NCOA3: variants seen among roughly 807,000 people sequenced by gnomAD.
The protein encoded by NCOA3 is nuclear receptor coactivator 3, also known as CBP-interacting protein.
Under a neutral mutation model 158.8 loss-of-function variants are expected in NCOA3, and 51 were observed. That is an observed-to-expected ratio of 0.32 (90% CI 0.26 to 0.41). The LOEUF is 0.41. NCOA3 is among the 10% of genes least tolerant of loss of function. The pLI is 1.00. For missense variants in NCOA3, 1,510 were observed against 1,746.6 expected (o/e 0.86, Z 2.41); for synonymous variants, 537 against 592.4 (o/e 0.91, Z 1.36).
Position 47,526,579 on chromosome 20 carries a change from C to T in NCOA3, c.-99+24560C>T, listed in dbSNP as rs75526726. Among the ~76,000 whole-genome samples the T allele has an allele frequency of 5.3e-5, 8 of 152,222 alleles. No homozygotes were observed. The East Asian group carries it at 5.8e-4, about 11-fold the overall frequency. On this transcript the variant is annotated intron_variant, in intron 1 of 22. Coordinates refer to ENST00000371998, the MANE Select transcript of NCOA3 (RefSeq NM_181659.3). ...CTGGAGACTAGCCCGGCCAACACAG[C>T]GAAACCCCGTCTCCACCAAAAAAAT...
At chr20:47,574,509 G>T (rs1482475535) in intron 1 of NCOA3, among the ~76,000 whole-genome samples, 1 of 150,124 alleles carries the variant, frequency 6.7e-6, no homozygotes, top group African/African-American at 2.5e-5. Context: ...TTTTAGCACA[G>T]AGGCATAGTA....
chr20:47,600,044 T>C (rs918644212), intron 2 of NCOA3, among the ~76,000 whole-genome samples: 1 of 152,012 alleles, frequency 6.6e-6, no homozygotes, highest in African/African-American at 2.4e-5. Context: ...AAGTGCAGTA[T>C]ATACAAGTAG....
intron 1 of NCOA3, among the ~76,000 whole-genome samples, chr20:47,550,375 C>T (rs1164588948): frequency 7.0e-6 from 1 of 142,716 alleles, no homozygotes; most frequent in Non-Finnish European, 1.5e-5. Context: ...ATCCGGGAGG[C>T]AGAGGTTGCT....
At chr20:47,595,671 G>A (rs1295790094) in intron 2 of NCOA3, among the ~76,000 whole-genome samples, 1 of 151,794 alleles carries the variant, frequency 6.6e-6, no homozygotes, top group East Asian at 1.9e-4. Context: ...CATGACATAA[G>A]GCTTTTTTTT....
intron 2 of NCOA3, among the ~76,000 whole-genome samples, chr20:47,589,978 T>C (rs906989814): frequency 7.1e-6 from 1 of 140,854 alleles, no homozygotes; most frequent in Non-Finnish European, 1.6e-5. Context: ...ATTTAAAATG[T>C]TTTGTGGAAG....
At chr20:47,573,999 C>T (rs2085336025) in intron 1 of NCOA3, among the ~76,000 whole-genome samples, 1 of 142,442 alleles carries the variant, frequency 7.0e-6, no homozygotes, top group Non-Finnish European at 1.6e-5. Flanking sequence ...AACTTGAGAT[C>T]TAACACCATT....
chr20:47,642,981 T>G (rs6018614), intron 17 of NCOA3, among the ~76,000 whole-genome samples: 18,999 of 152,202 alleles, frequency 0.12, 1,684 homozygotes, highest in African/African-American at 0.24. Context: ...CACAATTTCA[T>G]CTCACTGCAA....
chr20:47,629,626 C>T (rs563926963), intron 8 of NCOA3, among the ~76,000 whole-genome samples: 4 of 152,136 alleles, frequency 2.6e-5, no homozygotes, highest in African/African-American at 4.8e-5. Flanking sequence ...CCACCATGCC[C>T]GGCTGTATGT....
intron 10 of NCOA3, among the ~76,000 whole-genome samples, 179 bp from the exon 11 acceptor site, chr20:47,635,143 G>C (rs537000324): frequency 2.0e-5 from 3 of 151,870 alleles, no homozygotes; most frequent in Non-Finnish European, 2.9e-5. Context: ...TGCCCAGGTT[G>C]GTTTCAAACT....
intron 1 of NCOA3, among the ~76,000 whole-genome samples, chr20:47,512,734 A>G (rs192849634): frequency 2.0e-4 from 31 of 152,338 alleles, no homozygotes; most frequent in African/African-American, 7.5e-4. Context: ...GGGTAACATT[A>G]AAAAGACTGA....
intron 2 of NCOA3, among the ~76,000 whole-genome samples, chr20:47,597,773 G>GC (rs772883504): frequency 1.1e-3 from 160 of 151,802 alleles, no homozygotes; most frequent in Middle Eastern, 3.4e-3. Context: ...ACAGGTGTGA[G>GC]CCACCGCACC....
At chr20:47,642,523 G>A (rs1261841127) in intron 17 of NCOA3, 139 bp downstream of exon 17, 3 of 511,936 alleles carry the variant, frequency 5.9e-6, no homozygotes, top group East Asian at 3.5e-5. Context: ...ATGGATACCA[G>A]CATTAAATTT....
chr20:47,508,169 T>C (rs1239745416), intron 1 of NCOA3, among the ~76,000 whole-genome samples: 1 of 152,230 alleles, frequency 6.6e-6, no homozygotes, highest in Non-Finnish European at 1.5e-5. Flanking sequence ...GTTCTTATGC[T>C]TGGCCAGAAA....
intron 2 of NCOA3, among the ~76,000 whole-genome samples, chr20:47,589,055 A>G (rs1267369007): frequency 6.6e-6 from 1 of 151,752 alleles, no homozygotes; most frequent in Non-Finnish European, 1.5e-5. Context: ...TGCCCGTCTA[A>G]TTTTTGTATT....
chr20:47,544,957 T>G (rs370589186), intron 1 of NCOA3, among the ~76,000 whole-genome samples: 18 of 152,270 alleles, frequency 1.2e-4, no homozygotes, highest in African/African-American at 4.1e-4. Context: ...GGAACAGTAT[T>G]CCTTGTGTTC....
chr20:47,564,172 A>G (rs2085155137), intron 1 of NCOA3, among the ~76,000 whole-genome samples: 1 of 151,780 alleles, frequency 6.6e-6, no homozygotes, highest in South Asian at 2.1e-4. Context: ...AAAAAAATTT[A>G]TGCACCTTTC....
chr20:47,599,379 TTGAGGGGG>T (rs1165368151), intron 2 of NCOA3, among the ~76,000 whole-genome samples: 1 of 151,486 alleles, frequency 6.6e-6, no homozygotes, highest in Non-Finnish European at 1.5e-5. Flanking sequence ...TTATATGAGG[TTGAGGGGG>T]TGGGAATGGG....
chr20:47,647,457 C>T lies in NCOA3; in HGVS notation c.3546+91C>T, dbSNP rs1167868078. 1.2e-5 allele frequency: 14 copies of T among 1,192,522 alleles called. No individual in the cohort carries two copies. In the Admixed American group the frequency reaches 3.4e-4, roughly 29 times the overall value. The allele number at this position is 1,192,522 out of a possible 1,614,324, so 73.9% of individuals were successfully genotyped here. A position where few individuals can be genotyped will look rare whatever the true frequency, so the allele number is the denominator to read the frequency against. On this transcript the variant is annotated intron_variant, in intron 18 of 22. Transcript: ENST00000371998. ...GTTCTTACCACTGGTGCAATCTATCCCTGTCAACTAAAGAAATTCTTTTTG... is the reference window on the plus strand; with the variant it reads ...GTTCTTACCACTGGTGCAATCTATCTCTGTCAACTAAAGAAATTCTTTTTG...
intron 2 of NCOA3, among the ~76,000 whole-genome samples, chr20:47,593,435 G>A (rs2085686711): frequency 1.5e-5 from 2 of 133,768 alleles, no homozygotes; most frequent in African/African-American, 5.7e-5. Flanking sequence ...TCCACCTCCC[G>A]GGTTCACTCC....
Sources: allele counts gnomAD v4.1 joint callset (sites outside exome capture counted in the v4.1 genomes callset), GRCh38; gene constraint gnomAD v4.1.1; transcripts MANE v1.5; gene names NCBI Gene and HGNC (gene_info 2026-07-23, HGNC 2026-07-21).